The following AGBL4 variants were observed in gnomAD, a reference collection of about 807,000 sequenced individuals.
AGBL4 encodes the protein AGBL carboxypeptidase 4, also known as cytosolic carboxypeptidase 6.
In AGBL4, 58 loss-of-function variants were observed where a neutral mutation model predicts 66.4. The observed-to-expected ratio is 0.87, with a 90% confidence interval of 0.71 to 1.09. AGBL4 has a LOEUF of 1.09. Among genes scored for constraint, AGBL4 ranks in the 50% least tolerant of loss-of-function variants. The probability of loss-of-function intolerance (pLI) is 0.00; values close to 1 mark genes in which losing one functional copy is unlikely to be tolerated. For synonymous variants in AGBL4, 234 were observed against 222.9 expected (o/e 1.05, Z -0.44); for missense variants, 579 against 631.0 (o/e 0.92, Z 0.88).
intron 3 of AGBL4, among the ~76,000 whole-genome samples, chr1:49,472,882 T>C (rs1348946396): frequency 1.3e-5 from 2 of 152,134 alleles, no homozygotes; most frequent in East Asian, 3.9e-4. Flanking sequence ...ATGTGTACCG[T>C]ATGTTTTACT....
chr1:49,655,976 G>A (rs781048365), intron 3 of AGBL4, among the ~76,000 whole-genome samples: 6 of 152,062 alleles, frequency 3.9e-5, no homozygotes, highest in South Asian at 2.1e-4. Flanking sequence ...GTGAAACCCC[G>A]TCTCTATTAA....
chr1:49,101,801 C>T (rs1336157403), intron 4 of AGBL4, among the ~76,000 whole-genome samples: 1 of 152,084 alleles, frequency 6.6e-6, no homozygotes, highest in Non-Finnish European at 1.5e-5. Context: ...AACAGACTGC[C>T]TCTAGGCTGC....
chr1:49,360,149 C>A (rs1644107628), intron 3 of AGBL4, among the ~76,000 whole-genome samples: 1 of 152,090 alleles, frequency 6.6e-6, no homozygotes. Context: ...AAATAATCAT[C>A]AGTTTTTAAA....
intron 6 of AGBL4, chr1:48,727,752 C>A: frequency 1.3e-6 from 1 of 782,796 alleles, no homozygotes; most frequent in Non-Finnish European, 2.0e-6. Context: ...CAGAACAAGC[C>A]GCTGACCCCA....
intron 5 of AGBL4, among the ~76,000 whole-genome samples, chr1:48,949,495 G>A (rs1349003249): frequency 1.3e-5 from 2 of 152,184 alleles, no homozygotes; most frequent in African/African-American, 4.8e-5. Flanking sequence ...TAGGAAGAAT[G>A]GGACACATTC....
chr1:49,129,859 T>G (rs1422674344), intron 4 of AGBL4, among the ~76,000 whole-genome samples: 1 of 152,164 alleles, frequency 6.6e-6, no homozygotes, highest in African/African-American at 2.4e-5. Context: ...AAATGGTATT[T>G]CTAGTTCTAG....
intron 1 of AGBL4, among the ~76,000 whole-genome samples, chr1:49,932,833 C>T (rs181822440): frequency 6.6e-6 from 1 of 152,180 alleles, no homozygotes; most frequent in Admixed American, 6.5e-5. Context: ...ACTAAAGAAT[C>T]AGCAAATGCA....
In AGBL4 at chr1:49,741,499, G is replaced by A. The variant is rs1650466663; in HGVS notation, c.158-44062C>T. On this transcript the variant is annotated intron_variant, in intron 2 of 13. Transcript: ENST00000371839. ...AAGAGGAGATGGTACCATTCCTTCT[G>A]AAACTATTCCAATCAATAGAAAAGG... Among the ~76,000 whole-genome samples the A allele has an allele frequency of 5.3e-5, 8 of 152,248 alleles. No individual in the cohort carries two copies. The South Asian group carries it at 1.7e-3, about 32-fold the overall frequency.
rs1182024906 is a variant in AGBL4 at position 48,932,410 on chromosome 1, C to T, written c.595-65180G>A. Among the ~76,000 whole-genome samples, 11 of 152,126 alleles carry T rather than the reference C, an allele frequency of 7.2e-5. 1 individual carries two copies. Among genetic ancestry groups the T allele is most frequent in the South Asian group, 4.2e-4 (2 of 4,818 alleles). ...CCAGGAAAGGAAAGATGCTGTTACTCGTTGAATTTGAAAGAATATGGGGAT... is the reference window on the plus strand; with the variant it reads ...CCAGGAAAGGAAAGATGCTGTTACTTGTTGAATTTGAAAGAATATGGGGAT... On this transcript the variant is annotated intron_variant, in intron 5 of 13. Transcript: ENST00000371839.
At chr1:49,426,197 G>A (rs1383394659) in intron 3 of AGBL4, among the ~76,000 whole-genome samples, 1 of 152,162 alleles carries the variant, frequency 6.6e-6, no homozygotes, top group Non-Finnish European at 1.5e-5. Flanking sequence ...AATACAGCGG[G>A]AGAGGGGTTA....
At chr1:49,144,522 A>C (rs1646178441) in intron 4 of AGBL4, among the ~76,000 whole-genome samples, 1 of 107,202 alleles carries the variant, frequency 9.3e-6, no homozygotes, top group Non-Finnish European at 2.1e-5. Context: ...CAGTTTACCT[A>C]ATCTACACAC....
At chr1:49,521,135 A>T (rs1049179280) in intron 3 of AGBL4, among the ~76,000 whole-genome samples, 1 of 152,030 alleles carries the variant, frequency 6.6e-6, no homozygotes, top group Non-Finnish European at 1.5e-5. Flanking sequence ...TACATTTATA[A>T]CGTACATTTA....
chr1:49,481,821 G>GT (rs1368247181), intron 3 of AGBL4, among the ~76,000 whole-genome samples: 7 of 151,626 alleles, frequency 4.6e-5, no homozygotes, highest in Admixed American at 3.9e-4. Flanking sequence ...TTTATTGAGA[G>GT]TTTTTAACAT....
At chr1:49,607,336 G>GCCT (rs1645078389) in intron 3 of AGBL4, among the ~76,000 whole-genome samples, 1 of 152,124 alleles carries the variant, frequency 6.6e-6, no homozygotes, top group Non-Finnish European at 1.5e-5. Context: ...CTGAATTCAA[G>GCCT]CCTCAGTCTT....
intron 6 of AGBL4, among the ~76,000 whole-genome samples, chr1:48,676,893 GTTC>G (rs1401385545): frequency 6.6e-6 from 1 of 152,104 alleles, no homozygotes; most frequent in Non-Finnish European, 1.5e-5. Flanking sequence ...CCAGCAAACT[GTTC>G]TTCTAATTTG....
At chr1:48,672,401 A>AT (rs940531187) in intron 6 of AGBL4, among the ~76,000 whole-genome samples, 1 of 152,236 alleles carries the variant, frequency 6.6e-6, no homozygotes, top group African/African-American at 2.4e-5. Context: ...GGGAGCCAAG[A>AT]TAAAAGTCAG....
intron 11 of AGBL4, among the ~76,000 whole-genome samples, chr1:48,564,224 A>ATCAC (rs1227904666): frequency 6.6e-6 from 1 of 152,094 alleles, no homozygotes; most frequent in Non-Finnish European, 1.5e-5. Context: ...ATCCGTTCTT[A>ATCAC]TCACTGCTGC....
At chr1:49,417,610 A>C (rs929102955) in intron 3 of AGBL4, among the ~76,000 whole-genome samples, 1 of 152,170 alleles carries the variant, frequency 6.6e-6, no homozygotes, top group African/African-American at 2.4e-5. Context: ...ATACCCATAT[A>C]GGATCTCTTC....
chr1:49,740,275 A>C (rs1650321342), intron 2 of AGBL4, among the ~76,000 whole-genome samples: 1 of 152,192 alleles, frequency 6.6e-6, no homozygotes, highest in Admixed American at 6.5e-5. Flanking sequence ...ACAGACTTTA[A>C]ACCAACAAAG....
Sources: gnomAD v4.1 joint callset for allele counts (sites outside exome capture counted in the v4.1 genomes callset) on GRCh38, gnomAD v4.1.1 for gene constraint, MANE v1.5 for transcripts, NCBI Gene and HGNC (gene_info 2026-07-23, HGNC 2026-07-21) for gene names.